Variants in SYT17 observed in about 807,000 individuals in gnomAD.
SYT17 encodes the protein synaptotagmin-17.
Under a neutral mutation model 46.7 loss-of-function variants are expected in SYT17, and 22 were observed. The observed-to-expected ratio is 0.47, with a 90% confidence interval of 0.34 to 0.67. SYT17 has a LOEUF of 0.67. Ranked by LOEUF, SYT17 falls within the 30% of genes least tolerant of loss-of-function variation. The pLI, the probability that SYT17 is intolerant of heterozygous loss-of-function variation, is 0.01. For missense variants in SYT17, 519 were observed against 612.8 expected (o/e 0.85, Z 1.62); for synonymous variants, 251 against 248.4 (o/e 1.01, Z -0.10).
intron 5 of SYT17, among the ~76,000 whole-genome samples, chr16:19,185,912 A>G (rs966569143): frequency 4.5e-4 from 69 of 152,164 alleles, no homozygotes; most frequent in African/African-American, 1.5e-3. Flanking sequence ...CACCTGGTGA[A>G]TATCTAATTG....
intron 7 of SYT17, among the ~76,000 whole-genome samples, chr16:19,254,100 G>A (rs919498330): frequency 6.6e-6 from 1 of 152,144 alleles, no homozygotes; most frequent in Admixed American, 6.5e-5. Flanking sequence ...ATAACTGCAT[G>A]TAGAGGTCCC....
At position 19,195,958 on chromosome 16, in the gene SYT17, C is replaced by T. The variant is rs186741628; in HGVS notation, c.951+11811C>T. Among the ~76,000 whole-genome samples, 420 of 152,170 alleles carry T rather than the reference C, an allele frequency of 2.8e-3. 2 individuals carry two copies. The highest frequency in any genetic ancestry group is 7.3e-3 in the South Asian group (35 of 4,808). On this transcript the variant is annotated intron_variant, in intron 5 of 7. Transcript: ENST00000355377. The stretch of plus-strand genomic sequence containing the variant: ...TATGATGGCAACACTGCACTCCAGC[C>T]TGGGTGACAGAGCCGGACCCTGTCT...
intron 7 of SYT17, among the ~76,000 whole-genome samples, chr16:19,260,006 G>T (rs909440597): frequency 1.3e-5 from 2 of 152,120 alleles, no homozygotes; most frequent in Non-Finnish European, 2.9e-5. Context: ...AGGGACTGGG[G>T]AGTGTGTGGG....
At chr16:19,229,899 C>G (rs1966620515) in intron 7 of SYT17, among the ~76,000 whole-genome samples, 1 of 152,050 alleles carries the variant, frequency 6.6e-6, no homozygotes, top group African/African-American at 2.4e-5. Context: ...AAATTCTGAC[C>G]CATGCTACAA....
chr16:19,256,027 G>A (rs1461331702), intron 7 of SYT17, among the ~76,000 whole-genome samples: 1 of 152,176 alleles, frequency 6.6e-6, no homozygotes, highest in Non-Finnish European at 1.5e-5. Context: ...TCCCCAGGAC[G>A]ATGCATCATG....
intron 7 of SYT17, among the ~76,000 whole-genome samples, chr16:19,265,017 A>G (rs1276529932): frequency 1.3e-5 from 2 of 152,192 alleles, no homozygotes; most frequent in East Asian, 3.8e-4. Flanking sequence ...TTTTGCCCCC[A>G]AAGAAGAAAA....
chr16:19,200,863 C>T (rs1179384501), intron 5 of SYT17, among the ~76,000 whole-genome samples: 1 of 152,170 alleles, frequency 6.6e-6, no homozygotes, highest in Non-Finnish European at 1.5e-5. Context: ...CTGCTGGTGA[C>T]CCTGTGACCT....
chr16:19,231,478 A>G (rs1966681032), intron 7 of SYT17, among the ~76,000 whole-genome samples: 1 of 130,824 alleles, frequency 7.6e-6, no homozygotes, highest in African/African-American at 2.8e-5. Context: ...GGCTAAGATC[A>G]TGCCATAGCA....
chr16:19,174,033 A>G (rs952263313), intron 3 of SYT17, among the ~76,000 whole-genome samples: 6 of 152,144 alleles, frequency 3.9e-5, no homozygotes, highest in African/African-American at 1.4e-4. Flanking sequence ...ATAAATATCC[A>G]TTGCATGGAT....
intron 1 of SYT17, chr16:19,171,595 G>A (rs1964094827): frequency 6.6e-6 from 1 of 152,116 alleles, no homozygotes; most frequent in African/African-American, 2.4e-5. Flanking sequence ...AAAGTACTGT[G>A]ATTATAGGCA....
rs1377034478 is a variant in SYT17, at chr16:19,173,484, T to C, written c.88T>C (p.Cys30Arg). 2 of 1,586,132 alleles carry C rather than the reference T, an allele frequency of 1.3e-6. No homozygotes were observed. The highest frequency in any genetic ancestry group is 8.6e-7 in the Non-Finnish European group (1 of 1,163,264). ...LLLCRWTCRH[C>R]CQKCYESSCC... ...GCTGTGCAGATGGACCTGCCGGCAC[T>C]GCTGTCAGAAGTGCTACGAGTCCAG... is the stretch of plus-strand genomic sequence containing the variant. Residue 30 changes from cysteine (C) to arginine (R), a missense_variant, in exon 3 of 8, where the codon TGC becomes CGC. Transcript: ENST00000355377.
intron 5 of SYT17, among the ~76,000 whole-genome samples, chr16:19,200,289 C>A (rs1596938463): frequency 6.6e-6 from 1 of 152,156 alleles, no homozygotes; most frequent in East Asian, 1.9e-4. Flanking sequence ...ACTTTAAATT[C>A]CTAGGAAACA....
At chr16:19,179,124 T>C (rs1281801768) in intron 3 of SYT17, among the ~76,000 whole-genome samples, 1 of 152,158 alleles carries the variant, frequency 6.6e-6, no homozygotes, top group Non-Finnish European at 1.5e-5. Flanking sequence ...AGCACTGTTC[T>C]AAGCATTTTA....
chr16:19,183,827 CT>C lies in SYT17; in HGVS notation c.632del (p.Leu211ArgfsTer66), dbSNP rs780167896. On this transcript the variant is annotated frameshift_variant, in exon 5 of 8. Transcript: ENST00000355377. LOFTEE classifies it high-confidence loss of function. The surrounding 1 kb of genome is among the most constrained non-coding windows in gnomAD (Gnocchi z 5.6). ...LTVRVIEARD[L>X]PPPISHDGSR... ...CGTGCGCGTGATCGAGGCCAGGGACCTGCCACCTCCCATCTCCCACGATGGC... is the reference window on the plus strand; with the variant it reads ...CGTGCGCGTGATCGAGGCCAGGGACCGCCACCTCCCATCTCCCACGATGGC... 1 of 1,614,172 alleles carries C rather than the reference CT, an allele frequency of 6.2e-7. No individual in the cohort carries two copies. Among genetic ancestry groups the C allele is most frequent in the South Asian group, 1.1e-5 (1 of 91,082 alleles).
intron 7 of SYT17, among the ~76,000 whole-genome samples, chr16:19,266,295 T>C (rs1969349061): frequency 6.6e-6 from 1 of 152,252 alleles, no homozygotes; most frequent in African/African-American, 2.4e-5. Context: ...CATTTGGCCA[T>C]GTCCGAAGAC....
At chr16:19,191,505 A>G (rs2142663146) in intron 5 of SYT17, among the ~76,000 whole-genome samples, 1 of 152,340 alleles carries the variant, frequency 6.6e-6, no homozygotes. Context: ...CCCAGCCTCC[A>G]GAAGGGTGAG....
chr16:19,216,227 C>G (rs1160415363), intron 5 of SYT17, among the ~76,000 whole-genome samples: 1 of 152,062 alleles, frequency 6.6e-6, no homozygotes, highest in Non-Finnish European at 1.5e-5. Context: ...GCAATATTTG[C>G]TGGACTAAAT....
intron 6 of SYT17, among the ~76,000 whole-genome samples, chr16:19,224,422 A>AT (rs1473589780): frequency 6.6e-6 from 1 of 152,148 alleles, no homozygotes; most frequent in Non-Finnish European, 1.5e-5. Context: ...TAGATGAGAA[A>AT]TTGGATGGAT....
intron 5 of SYT17, among the ~76,000 whole-genome samples, chr16:19,186,427 T>A (rs1282800321): frequency 6.6e-6 from 1 of 152,058 alleles, no homozygotes; most frequent in Non-Finnish European, 1.5e-5. Flanking sequence ...GAGGCTGCAG[T>A]GAGCTATGAT....
Sources: allele counts gnomAD v4.1 joint callset (sites outside exome capture counted in the v4.1 genomes callset), GRCh38; gene constraint gnomAD v4.1.1; non-coding constraint Gnocchi (gnomAD v3.1); transcripts MANE v1.5; gene names NCBI Gene and HGNC (gene_info 2026-07-23, HGNC 2026-07-21).